Variants in FNDC3A observed in about 807,000 individuals in gnomAD.
FNDC3A encodes fibronectin type III domain containing 3A.
FNDC3A carries 32 observed loss-of-function variants against 148.9 expected under a neutral mutation model. That is an observed-to-expected ratio of 0.21 (90% confidence interval 0.16 to 0.29). The LOEUF (loss-of-function observed/expected upper bound fraction) is 0.29. Among genes scored for constraint, FNDC3A ranks in the 10% least tolerant of loss-of-function variants. The pLI is 1.00. For synonymous variants in FNDC3A, 472 were observed against 473.6 expected, an observed-to-expected ratio of 1.00 and a Z score of 0.04; for missense variants, 1,191 against 1,452.8, an observed-to-expected ratio of 0.82 and a Z score of 2.93.
At chr13:49,127,119 C>T (rs904267067) in intron 4 of FNDC3A, among the ~76,000 whole-genome samples, 3 of 152,194 alleles carry the variant, frequency 2.0e-5, no homozygotes, top group Non-Finnish European at 2.9e-5. Flanking sequence ...TGTCCAGACC[C>T]GGTTCCCCCA....
At chr13:49,173,100 C>T (rs1375419032) in intron 11 of FNDC3A, among the ~76,000 whole-genome samples, 4 of 146,678 alleles carry the variant, frequency 2.7e-5, no homozygotes, top group Admixed American at 6.7e-5. Context: ...TGTCCTGGGC[C>T]GCATGTGGCC....
At chr13:48,983,132 T>C (rs1020542474) in intron 1 of FNDC3A, among the ~76,000 whole-genome samples, 3 of 152,170 alleles carry the variant, frequency 2.0e-5, no homozygotes, top group African/African-American at 4.8e-5. Context: ...TCACACTCCC[T>C]CCCCTTTAGA....
chr13:49,172,581 C>T (rs1193304996), intron 11 of FNDC3A, among the ~76,000 whole-genome samples: 3 of 152,268 alleles, frequency 2.0e-5, no homozygotes, highest in African/African-American at 4.8e-5. Context: ...TTACTTGGTT[C>T]ATGGCCACAT....
At chr13:49,019,094 G>C (rs569684356) in intron 2 of FNDC3A, among the ~76,000 whole-genome samples, 2 of 152,260 alleles carry the variant, frequency 1.3e-5, no homozygotes, top group Non-Finnish European at 2.9e-5. Context: ...AGCCTACAGC[G>C]GCAGGCAGGC....
Position 49,013,443 on chromosome 13 carries a change from T to A in FNDC3A, c.99+7154T>A, listed in dbSNP as rs149515474. On this transcript the variant is annotated intron_variant, in intron 2 of 25. Transcript: ENST00000492622. ...GCACAATGTGCAGGTTAGTTACATA[T>A]GTATACATGTACATGTGTATACATA... Among the ~76,000 whole-genome samples the A allele has an allele frequency of 2.6e-3, 397 of 152,190 alleles. 9 individuals are homozygous for A. The East Asian group carries it at 0.041, about 16-fold the overall frequency.
At chr13:48,989,043 G>GT (rs1951859688) in intron 1 of FNDC3A, among the ~76,000 whole-genome samples, 1 of 152,152 alleles carries the variant, frequency 6.6e-6, no homozygotes, top group Non-Finnish European at 1.5e-5. Context: ...AGAAGTGCCT[G>GT]TTTCCACTAG....
chr13:49,099,163 A>G (rs993836077), intron 3 of FNDC3A, among the ~76,000 whole-genome samples: 2 of 152,142 alleles, frequency 1.3e-5, no homozygotes, highest in African/African-American at 4.8e-5. Flanking sequence ...TTTTTAAAAC[A>G]ATATTATTAG....
At chr13:49,185,331 T>C (rs1885510148) in intron 14 of FNDC3A, among the ~76,000 whole-genome samples, 1 of 152,190 alleles carries the variant, frequency 6.6e-6, no homozygotes, top group Non-Finnish European at 1.5e-5. Flanking sequence ...TGGGTAATTC[T>C]GATGCAGGGT....
intron 2 of FNDC3A, among the ~76,000 whole-genome samples, chr13:49,033,942 T>G (rs1874313531): frequency 6.6e-6 from 1 of 152,004 alleles, no homozygotes; most frequent in Non-Finnish European, 1.5e-5. Context: ...GTGATTTAAA[T>G]GAAAAATTGT....
At chr13:48,982,468 C>T (rs752081899) in intron 1 of FNDC3A, among the ~76,000 whole-genome samples, 7 of 152,134 alleles carry the variant, frequency 4.6e-5, no homozygotes, top group Admixed American at 1.3e-4. Context: ...ATAGTATGTT[C>T]GCATTTTTGT....
intron 2 of FNDC3A, among the ~76,000 whole-genome samples, chr13:49,033,406 A>G (rs1039313399): frequency 1.3e-5 from 2 of 152,110 alleles, no homozygotes; most frequent in Non-Finnish European, 2.9e-5. Flanking sequence ...TGTACCTTTA[A>G]CATCCTGTCT....
chr13:49,150,056 C>A (rs777440565), intron 8 of FNDC3A, among the ~76,000 whole-genome samples: 1 of 151,320 alleles, frequency 6.6e-6, no homozygotes, highest in Non-Finnish European at 1.5e-5. Context: ...TATTTGGGTC[C>A]CCTTTCTTCT....
intron 2 of FNDC3A, among the ~76,000 whole-genome samples, chr13:49,061,085 A>T (rs1322628436): frequency 6.6e-6 from 1 of 151,054 alleles, no homozygotes; most frequent in Non-Finnish European, 1.5e-5. Context: ...TATTGAGACT[A>T]AAAAAAAATT....
intron 3 of FNDC3A, among the ~76,000 whole-genome samples, chr13:49,101,666 T>A (rs541954928): frequency 6.6e-6 from 1 of 152,170 alleles, no homozygotes; most frequent in South Asian, 2.1e-4. Context: ...GCAAATCAAC[T>A]GATTCATCTG....
chr13:49,103,365 G>A (rs1372480325), intron 3 of FNDC3A, among the ~76,000 whole-genome samples: 1 of 152,208 alleles, frequency 6.6e-6, no homozygotes. Flanking sequence ...GGTTCACACA[G>A]TATTGACAAG....
At chr13:49,043,465 T>C (rs149742623) in intron 2 of FNDC3A, among the ~76,000 whole-genome samples, 1,755 of 152,294 alleles carry the variant, frequency 0.012, 11 homozygotes, top group Non-Finnish European at 0.017. Context: ...TGCAGTGTTC[T>C]TTCCGAGACC....
chr13:49,099,554 G>A (rs554425420), intron 3 of FNDC3A, among the ~76,000 whole-genome samples: 1 of 152,172 alleles, frequency 6.6e-6, no homozygotes, highest in East Asian at 1.9e-4. Flanking sequence ...TTCTGCCACT[G>A]AATATATAAA....
chr13:48,991,155 T>C (rs996444979), intron 1 of FNDC3A, among the ~76,000 whole-genome samples: 2 of 152,234 alleles, frequency 1.3e-5, no homozygotes, highest in Admixed American at 6.5e-5. Context: ...GATTGTTGGA[T>C]ACAATTTTTT....
intron 11 of FNDC3A, among the ~76,000 whole-genome samples, chr13:49,173,002 A>G (rs1884842057): frequency 6.6e-6 from 1 of 152,234 alleles, no homozygotes; most frequent in Non-Finnish European, 1.5e-5. Context: ...AACACTAACA[A>G]TAGCTAATGA....
Sources: allele counts gnomAD v4.1 joint callset (sites outside exome capture counted in the v4.1 genomes callset), GRCh38; gene constraint gnomAD v4.1.1; transcripts MANE v1.5; gene names NCBI Gene and HGNC (gene_info 2026-07-23, HGNC 2026-07-21).